Variants in PHC2 observed in about 807,000 individuals in gnomAD.
The protein encoded by PHC2 is polyhomeotic-like protein 2.
Under a neutral mutation model 87.4 loss-of-function variants are expected in PHC2, and 29 were observed. The observed-to-expected ratio is 0.33, with a 90% confidence interval of 0.25 to 0.45. The LOEUF is 0.45. Ranked by LOEUF, PHC2 falls within the 20% of genes least tolerant of loss-of-function variation. The pLI is 1.00. For synonymous variants in PHC2, 438 were observed against 461.7 expected, an observed-to-expected ratio of 0.95 and a Z score of 0.66; for missense variants, 857 against 1,136.7, an observed-to-expected ratio of 0.75 and a Z score of 3.54.
At chr1:33,365,294 G>C (rs569817052) in intron 7 of PHC2, among the ~76,000 whole-genome samples, 1 of 152,314 alleles carries the variant, frequency 6.6e-6, no homozygotes, top group East Asian at 1.9e-4. Flanking sequence ...TCCTGTGAGT[G>C]CTGGTCCCGT....
At chr1:33,406,254 T>C (rs1649758195) in intron 1 of PHC2, among the ~76,000 whole-genome samples, 1 of 152,240 alleles carries the variant, frequency 6.6e-6, no homozygotes. Context: ...CTTTTATTTC[T>C]AGAAGTATTT....
intron 9 of PHC2, among the ~76,000 whole-genome samples, chr1:33,353,951 C>T (rs1283238364): frequency 1.3e-5 from 2 of 152,214 alleles, no homozygotes; most frequent in African/African-American, 4.8e-5. Flanking sequence ...TTCCTGTGAG[C>T]TGAACTCATC....
rs756203600 is a variant in PHC2, at chr1:33,367,101, T to C, written c.976+15A>G. 2.5e-6 allele frequency: 4 copies of C among 1,580,546 alleles called. No individual in the cohort carries two copies. The highest frequency in any genetic ancestry group is 3.5e-6 in the Non-Finnish European group (4 of 1,157,868). On this transcript the variant is annotated intron_variant, in intron 7 of 14. Transcript: ENST00000683057. Reference sequence around the variant, plus strand: ...AGTTTTCTGGGAAAGGATTCCTGCTTCCTGAAGACCTTACCTGGTGCAATG... The same window carrying C: ...AGTTTTCTGGGAAAGGATTCCTGCTCCCTGAAGACCTTACCTGGTGCAATG...
At chr1:33,360,296 T>C (rs533758961) in intron 7 of PHC2, among the ~76,000 whole-genome samples, 1 of 152,388 alleles carries the variant, frequency 6.6e-6, no homozygotes, top group East Asian at 1.9e-4. Flanking sequence ...ATACTTGCTG[T>C]GTACAGGATA....
chr1:33,326,981 T>G (rs537224925), intron 14 of PHC2, among the ~76,000 whole-genome samples: 1 of 151,816 alleles, frequency 6.6e-6, no homozygotes, highest in East Asian at 1.9e-4. Flanking sequence ...AAAGGTAATA[T>G]AAAATAAAAA....
intron 1 of PHC2, among the ~76,000 whole-genome samples, chr1:33,391,807 G>C (rs749493833): frequency 4.6e-5 from 7 of 152,150 alleles, no homozygotes; most frequent in Non-Finnish European, 1.0e-4. Flanking sequence ...AGGAGGCGAT[G>C]GGCAACCAGA....
At chr1:33,343,212 T>G (rs1570462294) in intron 9 of PHC2, among the ~76,000 whole-genome samples, 1 of 151,910 alleles carries the variant, frequency 6.6e-6, no homozygotes, top group African/African-American at 2.4e-5. Context: ...CCTGTAATCC[T>G]AGCACTTTGG....
At chr1:33,363,628 C>A (rs1017078346) in intron 7 of PHC2, 6 of 354,290 alleles carry the variant, frequency 1.7e-5, no homozygotes, top group Admixed American at 6.4e-5. Context: ...AGAACAAAGA[C>A]CTGGCATCTG....
intron 1 of PHC2, among the ~76,000 whole-genome samples, chr1:33,378,630 T>C (rs1340825382): frequency 6.6e-6 from 1 of 152,200 alleles, no homozygotes; most frequent in Non-Finnish European, 1.5e-5. Flanking sequence ...TTAATCATAC[T>C]GAATTGCACA....
Position 33,349,060 on chromosome 1 carries a change from T to C in PHC2, c.1558+5341A>G, listed in dbSNP as rs1646902159. The C allele has an allele frequency of 1.4e-5, 14 of 984,136 alleles. No homozygotes were observed. The highest frequency in any genetic ancestry group is 1.7e-5 in the Non-Finnish European group (14 of 828,816). The allele number at this position is 984,136 out of a possible 1,614,324, so 61.0% of individuals were successfully genotyped here. ...GCAACAAATATAGTCTACCTTCATT[T>C]GGCATAGGAAGGAGAGAAAACGCTC... is the stretch of plus-strand genomic sequence containing the variant. On this transcript the variant is annotated intron_variant, in intron 9 of 14. Coordinates refer to ENST00000683057, the MANE Select transcript of PHC2 (RefSeq NM_001385109.1). The surrounding 1 kb of genome is among the most constrained non-coding windows in gnomAD (Gnocchi z 4.2).
chr1:33,372,464 G>A lies in PHC2; in HGVS notation c.175-17C>T. The A allele has an allele frequency of 6.6e-7, 1 of 1,526,196 alleles. No homozygotes were observed. Among genetic ancestry groups the A allele is most frequent in the East Asian group, 2.4e-5 (1 of 42,028 alleles). 94.5% of individuals were successfully genotyped at this position (1,526,196 alleles called of 1,614,324 possible). A position where few individuals can be genotyped will look rare whatever the true frequency, so the allele number is the denominator to read the frequency against. ...CTGGATCACCTGAGAAGGGAGGGAG[G>A]GGGAAGAGCCAGGCTGGTAGCTGCC... On this transcript the variant is annotated splice_polypyrimidine_tract_variant and intron_variant, in intron 2 of 14. Coordinates refer to ENST00000683057, the MANE Select transcript of PHC2 (RefSeq NM_001385109.1).
intron 1 of PHC2, among the ~76,000 whole-genome samples, chr1:33,379,755 GC>G (rs1648399604): frequency 6.6e-6 from 1 of 151,164 alleles, no homozygotes; most frequent in African/African-American, 2.4e-5. Flanking sequence ...TTGCCCTCTT[GC>G]CCCGCTGTGA....
At chr1:33,383,658 TGAGTTTGTCTA>T (rs1648598676) in intron 1 of PHC2, among the ~76,000 whole-genome samples, 1 of 152,206 alleles carries the variant, frequency 6.6e-6, no homozygotes, top group African/African-American at 2.4e-5. Flanking sequence ...ACGGGATGGA[TGAGTTTGTCTA>T]GACTTGGGCA....
At chr1:33,377,384 G>A (rs1331812975) in intron 1 of PHC2, among the ~76,000 whole-genome samples, 4 of 152,134 alleles carry the variant, frequency 2.6e-5, no homozygotes, top group Non-Finnish European at 5.9e-5. Flanking sequence ...AGTCAGTAAG[G>A]AGGGCCATAA....
chr1:33,372,292 C>T lies in PHC2; in HGVS notation c.330G>A (p.Gln110=), dbSNP rs1272022743. 4 of 1,561,224 alleles carry T rather than the reference C, an allele frequency of 2.6e-6. No homozygotes were observed. The change falls in exon 3 of 15, where the codon CAG becomes CAA. Residue 110 remains glutamine, a synonymous_variant. Coordinates refer to ENST00000683057, the MANE Select transcript of PHC2 (RefSeq NM_001385109.1). ...SAQLQSLAAV[Q]QASLVSNRQG... is the part of the protein sequence containing the mutation. ...CAAGGTCCTTCCCAAGTCTCACCTG[C>T]TGTACGGCTGCCAGGCTCTGGAGCT... is the stretch of plus-strand genomic sequence containing the variant.
chr1:33,356,541 T>C (rs992099542), intron 7 of PHC2, among the ~76,000 whole-genome samples: 21 of 151,472 alleles, frequency 1.4e-4, no homozygotes, highest in African/African-American at 5.1e-4. Flanking sequence ...AAGCACATCT[T>C]GCACCGCCCT....
chr1:33,330,411 T>G (rs1646464670), intron 12 of PHC2, among the ~76,000 whole-genome samples, 199 bp from the exon 13 acceptor site: 1 of 152,224 alleles, frequency 6.6e-6, no homozygotes, highest in Admixed American at 6.5e-5. Context: ...TATCTGGAGT[T>G]GGGGGTAATA....
Position 33,328,467 on chromosome 1 carries a change from C to T in PHC2, c.2425+403G>A, listed in dbSNP as rs186557915. On this transcript the variant is annotated intron_variant, in intron 14 of 14. Coordinates refer to ENST00000683057, the MANE Select transcript of PHC2 (RefSeq NM_001385109.1). ...CTGACCTCACGCAATCCTTCCACCTCAGCCTCCCAAAGTGCTGGGACTATA... is the reference window on the plus strand; with the variant it reads ...CTGACCTCACGCAATCCTTCCACCTTAGCCTCCCAAAGTGCTGGGACTATA... 3.3e-5 allele frequency among the ~76,000 whole-genome samples: 5 copies of T among 150,950 alleles called. No individual in the cohort carries two copies. In the East Asian group the frequency reaches 7.8e-4, roughly 24 times the overall value.
rs548402387 is a variant in PHC2, at chr1:33,364,326, ATG to A, written c.976+2788_976+2789del. On this transcript the variant is annotated intron_variant, in intron 7 of 14. Transcript: ENST00000683057. The surrounding 1 kb of genome is among the most constrained non-coding windows in gnomAD (Gnocchi z 4.1). ...AAAATGCTCCAATAACAAACAAAAA[ATG>A]TGTGCGCGCTCGCTTGCTTTCTCTC... 3.1e-4 allele frequency among the ~76,000 whole-genome samples: 47 copies of A among 152,024 alleles called. No individual in the cohort carries two copies. The South Asian group carries it at 9.8e-3, about 32-fold the overall frequency.
Sources: gnomAD v4.1 joint callset for allele counts (sites outside exome capture counted in the v4.1 genomes callset) on GRCh38, gnomAD v4.1.1 for gene constraint, Gnocchi (gnomAD v3.1) non-coding constraint, MANE v1.5 for transcripts, NCBI Gene and HGNC (gene_info 2026-07-23, HGNC 2026-07-21) for gene names.